ERBB2: variants seen among roughly 807,000 people sequenced by gnomAD.
The protein encoded by ERBB2 is receptor tyrosine-protein kinase erbB-2.
In ERBB2, 61 loss-of-function variants were observed where a neutral mutation model predicts 149.0. The observed-to-expected ratio is 0.41, with a 90% CI of 0.33 to 0.51. ERBB2 has a LOEUF of 0.51. ERBB2 is among the 20% of genes least tolerant of loss of function. ERBB2 has a pLI of 0.25. For missense variants in ERBB2, 1,205 were observed against 1,655.1 expected (o/e 0.73, Z 4.72); for synonymous variants, 633 against 678.8 (o/e 0.93, Z 1.05).
rs756138710 is a variant in ERBB2 at position 39,719,855 on chromosome 17, G to GTA, written c.1946+22_1946+23dup. 1,137 of 1,613,300 alleles carry GTA rather than the reference G, an allele frequency of 7.0e-4. 16 individuals carry two copies. Among genetic ancestry groups the GTA allele is most frequent in the Non-Finnish European group, 1.4e-4 (163 of 1,179,330 alleles). On this transcript the variant is annotated intron_variant, in intron 16 of 26. Coordinates refer to ENST00000269571, the MANE Select transcript of ERBB2 (RefSeq NM_004448.4). ...GCCAGGTTGGCCTGGACCCCAGGAT[G>GTA]TACCCTTCATTGCCCTTCACTCCCC...
At chr17:39,701,861 C>T (rs544233591) in intron 1 of ERBB2, among the ~76,000 whole-genome samples, 38 of 152,156 alleles carry the variant, frequency 2.5e-4, no homozygotes, top group Admixed American at 1.3e-4. Context: ...TACATCCTTG[C>T]CCTCCCTGTT....
chr17:39,699,602 T>A (rs1388316458), upstream of ERBB2: 1 of 1,382,506 alleles, frequency 7.2e-7, no homozygotes, highest in Non-Finnish European at 9.9e-7. Flanking sequence ...ACACAACACA[T>A]CCCCCTCCTT....
chr17:39,708,609 C>A (rs1354773366), intron 3 of ERBB2, 75 bp downstream of exon 3: 13 of 1,186,314 alleles, frequency 1.1e-5, no homozygotes, highest in Non-Finnish European at 1.5e-5. Flanking sequence ...CAGGGGGAGG[C>A]TTTGTGTGCA....
chr17:39,716,627 A>T (rs2059146800), intron 14 of ERBB2, 22 bp downstream of exon 14: 1 of 1,608,712 alleles, frequency 6.2e-7, no homozygotes, highest in East Asian at 2.2e-5. Flanking sequence ...GCGGGCTCAG[A>T]GCTGGGTGGA....
intron 8 of ERBB2, 136 bp downstream of exon 8, chr17:39,712,183 C>G: frequency 6.6e-7 from 1 of 1,507,736 alleles, no homozygotes; most frequent in Non-Finnish European, 9.1e-7. Flanking sequence ...CTACCCCTGG[C>G]CCCCCTCAGC....
chr17:39,707,571 G>A (rs1370959652), intron 2 of ERBB2: 1 of 160,386 alleles, frequency 6.2e-6, no homozygotes. Flanking sequence ...TTCCCTATCT[G>A]TATATTGGGA....
In ERBB2 at chr17:39,708,538, G is replaced by A. The variant is rs2058600067; in HGVS notation, c.439+4G>A. On this transcript the variant is annotated splice_donor_region_variant and intron_variant, in intron 3 of 26. Transcript: ENST00000269571. ...CTGCAGCTTCGAAGCCTCACAGGTG[G>A]CCTTCACCGTCATTGAAACCTTCTC... 6.2e-7 allele frequency: 1 copy of A among 1,611,804 alleles called. No homozygotes were observed. Among genetic ancestry groups the A allele is most frequent in the Non-Finnish European group, 8.5e-7 (1 of 1,178,248 alleles).
upstream of ERBB2, among the ~76,000 whole-genome samples, chr17:39,694,265 A>ATG (rs2057800277): frequency 1.5e-4 from 4 of 26,282 alleles, no homozygotes; most frequent in East Asian, 1.3e-3. Flanking sequence ...ATATATATAT[A>ATG]TATGTGTGTA....
Position 39,707,120 on chromosome 17 carries a change from T to C in ERBB2, c.204T>C (p.Asn68=). 1 of 1,591,662 alleles carries C rather than the reference T, an allele frequency of 6.3e-7. No homozygotes were observed. ...TGGAACTCACCTACCTGCCCACCAA[T>C]GCCAGCCTGTCCTTCCTGCAGGTGA... The part of the protein sequence containing the change: ...GNLELTYLPT[N]ASLSFLQDIQ... Residue 68 remains asparagine (N), a synonymous_variant, in exon 2 of 27, where the codon AAT becomes AAC. Coordinates refer to ENST00000269571, the MANE Select transcript of ERBB2 (RefSeq NM_004448.4).
rs2059731763 is a variant in ERBB2, at chr17:39,725,925, A to T, written c.2872+72A>T. 1 of 1,525,056 alleles carries T rather than the reference A, an allele frequency of 6.6e-7. No individual in the cohort carries two copies. Among genetic ancestry groups the T allele is most frequent in the Admixed American group, 1.9e-5 (1 of 53,950 alleles). The allele number at this position is 1,525,056 out of a possible 1,614,324, so 94.5% of individuals were successfully genotyped here. A position where few individuals can be genotyped will look rare whatever the true frequency, so the allele number is the denominator to read the frequency against. Reference sequence around the variant, plus strand: ...CTGGGTGGAGGAGCCCACAAGGGGCATGAAAGGGGACCAGGATGTATGTAG... The same window carrying T: ...CTGGGTGGAGGAGCCCACAAGGGGCTTGAAAGGGGACCAGGATGTATGTAG... On this transcript the variant is annotated intron_variant, in intron 23 of 26. Transcript: ENST00000269571. This position sits in a 1 kb window ranked among gnomAD's most constrained non-coding sequence, Gnocchi z 4.6.
chr17:39,710,579 A>G (rs766869059), intron 7 of ERBB2, 98 bp downstream of exon 7: 39 of 1,399,356 alleles, frequency 2.8e-5, no homozygotes, highest in Middle Eastern at 3.6e-4. Context: ...TCTTGCTTTG[A>G]GAGCTGGTCA....
intron 1 of ERBB2, chr17:39,688,613 G>A (rs2057617519): frequency 6.6e-6 from 1 of 152,380 alleles, no homozygotes; most frequent in South Asian, 2.1e-4. Context: ...CCTTGCTCCA[G>A]ACCCGCTTCA....
chr17:39,696,100 T>G (rs2057857427), upstream of ERBB2, among the ~76,000 whole-genome samples: 1 of 152,094 alleles, frequency 6.6e-6, no homozygotes, highest in Non-Finnish European at 1.5e-5. Context: ...ACATCCTCTT[T>G]CCTGGGCTCT....
intron 3 of ERBB2, among the ~76,000 whole-genome samples, 163 bp downstream of exon 3, chr17:39,708,697 CT>C (rs2058610841): frequency 1.3e-5 from 2 of 152,212 alleles, no homozygotes; most frequent in Admixed American, 1.3e-4. Context: ...AAAGATTCCC[CT>C]TCTTCCTGGG....
chr17:39,693,718 G>A (rs538987273), upstream of ERBB2, among the ~76,000 whole-genome samples: 28 of 151,116 alleles, frequency 1.9e-4, no homozygotes, highest in African/African-American at 6.6e-4. Flanking sequence ...AGATTGCACC[G>A]TTGCATTCCA....
rs754866735 is a variant in ERBB2, at chr17:39,712,067, G to A, written c.1021+20G>A. 59 of 1,613,440 alleles carry A rather than the reference G, an allele frequency of 3.7e-5. No individual in the cohort carries two copies. The South Asian group carries it at 3.8e-4, about 11-fold the overall frequency. The stretch of plus-strand genomic sequence containing the variant: ...CCCGAGGTACCCACTCACTGCCCCC[G>A]AGGCCAGCTGCAGTTCCTGTCCCTC... On this transcript the variant is annotated intron_variant, in intron 8 of 26. Coordinates refer to ENST00000269571, the MANE Select transcript of ERBB2 (RefSeq NM_004448.4).
upstream of ERBB2, among the ~76,000 whole-genome samples, chr17:39,691,886 TAG>T (rs1365173343): frequency 3.8e-5 from 5 of 131,058 alleles, no homozygotes; most frequent in Non-Finnish European, 6.3e-5. Flanking sequence ...GATATAGATA[TAG>T]ATATAGATAT....
chr17:39,700,063 T>TC, upstream of ERBB2: 3 of 1,264,670 alleles, frequency 2.4e-6, no homozygotes, highest in Non-Finnish European at 3.0e-6. Context: ...AAGCTGAGAT[T>TC]CCCCTCCATT....
upstream of ERBB2, among the ~76,000 whole-genome samples, chr17:39,694,261 ATATATATG>A (rs1287642175): frequency 1.3e-3 from 27 of 21,092 alleles, 1 homozygote; most frequent in African/African-American, 2.2e-3. Flanking sequence ...ATATATATAT[ATATATATG>A]TGTGTATATA....
Sources: allele counts gnomAD v4.1 joint callset (sites outside exome capture counted in the v4.1 genomes callset), GRCh38; gene constraint gnomAD v4.1.1; non-coding constraint Gnocchi (gnomAD v3.1); transcripts MANE v1.5; gene names NCBI Gene and HGNC (gene_info 2026-07-23, HGNC 2026-07-21).